CREBBP: variants seen among roughly 807,000 people sequenced by gnomAD.
CREBBP encodes the protein CREB-binding protein.
A neutral mutation model predicts 265.0 loss-of-function variants in CREBBP; 19 were observed. That is an observed-to-expected ratio of 0.07 (90% confidence interval 0.05 to 0.11). The LOEUF is 0.11. Ranked by LOEUF, CREBBP falls within the 10% of genes least tolerant of loss-of-function variation. CREBBP has a pLI of 1.00. For synonymous variants in CREBBP, 1,457 were observed against 1,223.7 expected (o/e 1.19, Z -3.98); for missense variants, 2,525 against 3,219.0 (o/e 0.78, Z 5.22).
chr16:3,793,086 G>C (rs748363332), intron 4 of CREBBP, among the ~76,000 whole-genome samples: 2 of 152,230 alleles, frequency 1.3e-5, no homozygotes, highest in Admixed American at 6.5e-5. Flanking sequence ...TGCTCAAGAA[G>C]TGACCAATGT....
At chr16:3,791,875 C>A (rs1185698911) in intron 5 of CREBBP, 106 bp downstream of exon 5, 48 of 993,792 alleles carry the variant, frequency 4.8e-5, no homozygotes, top group Non-Finnish European at 7.2e-5. Flanking sequence ...TCACCCTGCA[C>A]TCCATGGCTC....
chr16:3,740,830 G>A, intron 23 of CREBBP: 1 of 460,218 alleles, frequency 2.2e-6, no homozygotes, highest in Non-Finnish European at 4.0e-6. Flanking sequence ...ATAGCGGTGG[G>A]TCCAAAATTG....
In CREBBP at chr16:3,873,089, G is replaced by GT. The variant is rs547938001; in HGVS notation, c.85+6742dup. ...TTTCATCTTCTCAAGATGGTTCTAAGTACTCACAGGCATCTATCAGAATCC... is the reference window on the plus strand; with the variant it reads ...TTTCATCTTCTCAAGATGGTTCTAAGTTACTCACAGGCATCTATCAGAATCC... On this transcript the variant is annotated intron_variant, in intron 1 of 30. Transcript: ENST00000262367. Among the ~76,000 whole-genome samples, 8 of 152,284 alleles carry GT rather than the reference G, an allele frequency of 5.3e-5. No homozygotes were observed. In the South Asian group the frequency reaches 1.0e-3, roughly 20 times the overall value.
intron 19 of CREBBP, among the ~76,000 whole-genome samples, chr16:3,753,131 G>A (rs765532602): frequency 6.6e-6 from 1 of 152,206 alleles, no homozygotes; most frequent in African/African-American, 2.4e-5. Flanking sequence ...GACAGGACTC[G>A]AGCGCCAGGC....
chr16:3,728,114 C>T lies in CREBBP; in HGVS notation c.6933G>A (p.Pro2311=), dbSNP rs149723395. ...TGTGTTGCTGGGGGCTCATGGGGTTCGGCTGGCCTGGGGACCCAATCTGCT... is the reference window on the plus strand; with the variant it reads ...TGTGTTGCTGGGGGCTCATGGGGTTTGGCTGGCCTGGGGACCCAATCTGCT... The part of the protein sequence containing the change: ...MKQQIGSPGQ[P]NPMSPQQHML... Residue 2311 remains proline (P), a synonymous_variant, in exon 31 of 31, where the codon CCG becomes CCA. Coordinates refer to ENST00000262367, the MANE Select transcript of CREBBP (RefSeq NM_004380.3). This position sits in a 1 kb window ranked among gnomAD's most constrained non-coding sequence, Gnocchi z 8.7. 1.1e-5 allele frequency: 18 copies of T among 1,613,992 alleles called. No homozygotes were observed. In the East Asian group the frequency reaches 2.0e-4, roughly 18 times the overall value.
At chr16:3,851,727 G>T (rs1206614054) in intron 1 of CREBBP, among the ~76,000 whole-genome samples, 1 of 151,696 alleles carries the variant, frequency 6.6e-6, no homozygotes, top group Non-Finnish European at 1.5e-5. Flanking sequence ...GGTGGCGGGC[G>T]CCTGTAGTCC....
intron 2 of CREBBP, among the ~76,000 whole-genome samples, chr16:3,827,505 C>T (rs2054260828): frequency 1.3e-5 from 2 of 152,120 alleles, no homozygotes; most frequent in African/African-American, 4.8e-5. Context: ...GATTCTTCTG[C>T]CTCAGACTCC....
rs139368189 is a variant in CREBBP, at chr16:3,785,759, G to A, written c.1331-2833C>T. ...ACTTCTTCCAATGTCAAGGCCGTGT[G>A]CTCATTTGGCCATTTTTACATCTTT... is the stretch of plus-strand genomic sequence containing the variant. On this transcript the variant is annotated intron_variant, in intron 5 of 30. Transcript: ENST00000262367. 4.0e-3 allele frequency among the ~76,000 whole-genome samples: 604 copies of A among 152,298 alleles called. 3 individuals are homozygous for A. The highest frequency in any genetic ancestry group is 0.014 in the African/African-American group (579 of 41,554).
At chr16:3,780,090 A>G (rs1463150056) in intron 8 of CREBBP, among the ~76,000 whole-genome samples, 1 of 151,844 alleles carries the variant, frequency 6.6e-6, no homozygotes, top group Non-Finnish European at 1.5e-5. Context: ...AAAAACACAA[A>G]AAGTAGCTGG....
Position 3,736,226 on chromosome 16 carries a change from T to C in CREBBP, c.4561-23A>G, listed in dbSNP as rs1190815631. 3.7e-6 allele frequency: 6 copies of C among 1,611,972 alleles called. No individual in the cohort carries two copies. The African/African-American group carries it at 4.0e-5, about 11-fold the overall frequency. On this transcript the variant is annotated intron_variant, in intron 27 of 30. Coordinates refer to ENST00000262367, the MANE Select transcript of CREBBP (RefSeq NM_004380.3). ...ATCCTGAGTGGGCAAAGCACAACAG[T>C]GAGATGAGGGCCATGCACGCGTGCC...
At position 3,769,274 on chromosome 16, in the gene CREBBP, T is replaced by G; in HGVS notation, c.2960A>C (p.Gln987Pro). The G allele has an allele frequency of 1.2e-6, 2 of 1,614,172 alleles. No homozygotes were observed. The highest frequency in any genetic ancestry group is 8.5e-7 in the Non-Finnish European group (1 of 1,180,036). Residue 987 changes from glutamine to proline, a missense_variant, in exon 15 of 31, where the codon CAG becomes CCG. Physicochemically the swap from Gln to Pro is moderately conservative, Grantham distance 76. Transcript: ENST00000262367. ...SVASAETNSQ[Q>P]PGPDVPVLEM... ...CAGCACAGGTACGTCAGGTCCTGGC[T>G]GCTGGGAATTGGTTTCTGCGCTGGC...
In CREBBP at chr16:3,823,929, G is replaced by A. The variant is rs934025776; in HGVS notation, c.799-13150C>T. 7.3e-5 allele frequency among the ~76,000 whole-genome samples: 11 copies of A among 150,648 alleles called. 1 individual carries two copies. The highest frequency in any genetic ancestry group is 6.6e-4 in the Admixed American group (10 of 15,046). ...TTCAGCAGTGATGCTCTTATCTTTA[G>A]GACACTGGAAGTTGAAAAGGCTGTG... On this transcript the variant is annotated intron_variant, in intron 2 of 30. Transcript: ENST00000262367.
rs1459540193 is a variant in CREBBP, at chr16:3,728,496, C to G, written c.6551G>C (p.Ser2184Thr). 1.2e-5 allele frequency: 19 copies of G among 1,614,032 alleles called. No homozygotes were observed. The highest frequency in any genetic ancestry group is 1.6e-5 in the Non-Finnish European group (19 of 1,180,002). ...MNPGHNPNMA[S>T]MNPQYREMLR... ...CATTTCTCGGTACTGTGGATTCATA[C>G]TCGCCATGTTGGGGTTGTGTCCTGG... The change falls in exon 31 of 31, where the codon AGT (serine) becomes ACT (threonine). Residue 2184 changes from serine (S) to threonine (T), a missense_variant. Transcript: ENST00000262367. The surrounding 1 kb of genome is among the most constrained non-coding windows in gnomAD (Gnocchi z 8.7).
At chr16:3,779,381 C>T (rs954064409) in intron 8 of CREBBP, among the ~76,000 whole-genome samples, 25 of 152,102 alleles carry the variant, frequency 1.6e-4, no homozygotes, top group African/African-American at 6.0e-4. Flanking sequence ...TATTATGTTG[C>T]CCCGGCTGGC....
At chr16:3,788,408 A>C (rs1004282395) in intron 5 of CREBBP, among the ~76,000 whole-genome samples, 1 of 152,182 alleles carries the variant, frequency 6.6e-6, no homozygotes, top group Non-Finnish European at 1.5e-5. Context: ...CCTGAGGCCT[A>C]CACTTTGAGC....
At chr16:3,803,211 G>A (rs561691435) in intron 3 of CREBBP, among the ~76,000 whole-genome samples, 57 of 143,220 alleles carry the variant, frequency 4.0e-4, no homozygotes, top group African/African-American at 1.2e-3. Flanking sequence ...AATTCAGGCC[G>A]GGCAAGGTGG....
At position 3,740,921 on chromosome 16, in the gene CREBBP, A is replaced by C. The variant is rs1253004011; in HGVS notation, c.3983-372T>G. 25 of 364,196 alleles carry C rather than the reference A, an allele frequency of 6.9e-5. No homozygotes were observed. The East Asian group carries it at 1.7e-3, about 25-fold the overall frequency. The allele number at this position is 364,196 out of a possible 1,614,324, so 22.6% of individuals were successfully genotyped here. On this transcript the variant is annotated intron_variant, in intron 23 of 30. Transcript: ENST00000262367. ...TGGAGGGCAGAGATGGCACACCCTCAGTGGGCTCCTCCTGCCCAGCTCTGA... is the reference window on the plus strand; with the variant it reads ...TGGAGGGCAGAGATGGCACACCCTCCGTGGGCTCCTCCTGCCCAGCTCTGA...
At position 3,727,990 on chromosome 16, in the gene CREBBP, G is replaced by A. The variant is rs771546273; in HGVS notation, c.7057C>T (p.Arg2353Trp). ...VRSPAPVQSPRPQSQPPHSSP... is the reference protein window; with the variant it reads ...VRSPAPVQSPWPQSQPPHSSP... ...GAATGTGGAGGCTGGGACTGGGGCC[G>A]TGGAGACTGGACAGGGGCTGGAGAC... The change falls in exon 31 of 31, where the codon CGG becomes TGG. Residue 2353 changes from arginine to tryptophan, a missense_variant. Physicochemically the swap from Arg to Trp is moderately radical, Grantham distance 101. Coordinates refer to ENST00000262367, the MANE Select transcript of CREBBP (RefSeq NM_004380.3). 1.2e-6 allele frequency: 2 copies of A among 1,608,988 alleles called. No homozygotes were observed. Among genetic ancestry groups the A allele is most frequent in the South Asian group, 1.1e-5 (1 of 90,620 alleles).
chr16:3,734,592 A>G (rs2052002475), intron 28 of CREBBP, among the ~76,000 whole-genome samples: 1 of 152,166 alleles, frequency 6.6e-6, no homozygotes, highest in Non-Finnish European at 1.5e-5. Flanking sequence ...AACTCACCAG[A>G]CACCAGTGAG....
Sources: gnomAD v4.1 joint callset for allele counts (sites outside exome capture counted in the v4.1 genomes callset) on GRCh38, gnomAD v4.1.1 for gene constraint, Gnocchi (gnomAD v3.1) non-coding constraint, MANE v1.5 for transcripts, NCBI Gene and HGNC (gene_info 2026-07-23, HGNC 2026-07-21) for gene names.